SBF2: variants seen among roughly 807,000 people sequenced by gnomAD.
SBF2 encodes the protein SET binding factor 2, also known as myotubularin-related protein 13.
In SBF2, 112 loss-of-function variants were observed where a neutral mutation model predicts 225.2. The observed-to-expected ratio is 0.50, with a 90% confidence interval of 0.43 to 0.58. The LOEUF (loss-of-function observed/expected upper bound fraction) is 0.58, where lower values mean the gene tolerates loss of function less well. SBF2 is among the 20% of genes least tolerant of loss of function. SBF2 has a pLI of 0.00. For missense variants in SBF2, 1,996 were observed against 2,206.2 expected (o/e 0.90, Z 1.91); for synonymous variants, 763 against 773.3 (o/e 0.99, Z 0.22).
At position 10,185,814 on chromosome 11, in the gene SBF2, T is replaced by C. The variant is rs896784586; in HGVS notation, c.141+8088A>G. On this transcript the variant is annotated intron_variant, in intron 2 of 39. Transcript: ENST00000256190. ...GTACCGCTAATTCAACGAGTCCCCATACTAATGGTCATTTAGATAGTTTCC... is the reference window on the plus strand; with the variant it reads ...GTACCGCTAATTCAACGAGTCCCCACACTAATGGTCATTTAGATAGTTTCC... 2.0e-5 allele frequency among the ~76,000 whole-genome samples: 3 copies of C among 152,116 alleles called. 1 individual carries two copies. Among genetic ancestry groups the C allele is most frequent in the Non-Finnish European group, 2.9e-5 (2 of 68,022 alleles).
In SBF2 at chr11:9,780,330, G is replaced by T; in HGVS notation, c.*88C>A. 8.5e-7 allele frequency: 1 copy of T among 1,173,416 alleles called. No homozygotes were observed. The highest frequency in any genetic ancestry group is 1.2e-6 in the Non-Finnish European group (1 of 802,092). The allele number at this position is 1,173,416 out of a possible 1,614,324, so 72.7% of individuals were successfully genotyped here. ...ACCTCAGGCCCTGGGATAACTTGTT[G>T]TCAGCTCCTCAAGGATCCATGCTTC... On this transcript the variant is annotated 3_prime_UTR_variant, in exon 40 of 40. Transcript: ENST00000256190.
At chr11:10,203,254 C>T (rs1180946639) in intron 1 of SBF2, among the ~76,000 whole-genome samples, 1 of 152,080 alleles carries the variant, frequency 6.6e-6, no homozygotes, top group Non-Finnish European at 1.5e-5. Flanking sequence ...ACGAAAGGAA[C>T]AGAAAGGACA....
intron 2 of SBF2, among the ~76,000 whole-genome samples, chr11:10,189,519 CTA>C (rs1333907745): frequency 1.3e-5 from 2 of 152,168 alleles, no homozygotes; most frequent in African/African-American, 4.8e-5. Context: ...GCTACTTTTC[CTA>C]TGTTACACCT....
At chr11:9,784,506 A>T in intron 37 of SBF2, 68 bp from the exon 38 acceptor site, 3 of 1,226,004 alleles carry the variant, frequency 2.4e-6, no homozygotes, top group Middle Eastern at 1.9e-4. Context: ...AGGGGAGGGG[A>T]TATCTGTTGT....
rs151315808 is a variant in SBF2, at chr11:10,187,062, A to G, written c.141+6840T>C. ...AGGGTTTATTTACCAATCTCCTATT[A>G]CAGCTAACTGGCTTTGTGATTGACT... On this transcript the variant is annotated intron_variant, in intron 2 of 39. Transcript: ENST00000256190. Among the ~76,000 whole-genome samples the G allele has an allele frequency of 2.3e-3, 349 of 152,298 alleles. 5 individuals carry two copies. The highest frequency in any genetic ancestry group is 9.6e-4 in the Non-Finnish European group (65 of 68,024).
At chr11:10,101,041 C>G (rs759383499) in intron 2 of SBF2, among the ~76,000 whole-genome samples, 1 of 152,122 alleles carries the variant, frequency 6.6e-6, no homozygotes, top group Admixed American at 6.5e-5. Context: ...TTCTGCCTAT[C>G]GTGTCTTTGT....
At chr11:10,234,906 T>C (rs1959003581) in intron 1 of SBF2, among the ~76,000 whole-genome samples, 1 of 152,142 alleles carries the variant, frequency 6.6e-6, no homozygotes, top group African/African-American at 2.4e-5. Flanking sequence ...TGGTACAGTA[T>C]CTCTTATATG....
At chr11:10,100,147 GA>G (rs1952216491) in intron 2 of SBF2, among the ~76,000 whole-genome samples, 1 of 152,206 alleles carries the variant, frequency 6.6e-6, no homozygotes, top group Non-Finnish European at 1.5e-5. Flanking sequence ...AAAGGGGATG[GA>G]AAAAGGCATT....
At chr11:10,129,111 T>C (rs1953902190) in intron 2 of SBF2, among the ~76,000 whole-genome samples, 1 of 144,730 alleles carries the variant, frequency 6.9e-6, no homozygotes, top group Admixed American at 6.9e-5. Flanking sequence ...TTTTTTTTTT[T>C]TTTTTTTTTT....
chr11:10,065,492 A>T (rs1398522025), intron 2 of SBF2, among the ~76,000 whole-genome samples: 2 of 152,192 alleles, frequency 1.3e-5, no homozygotes, highest in Non-Finnish European at 2.9e-5. Flanking sequence ...GATAAAAAAA[A>T]CTTTAGCCAC....
chr11:9,922,201 G>A (rs1159848158), intron 16 of SBF2, among the ~76,000 whole-genome samples: 9 of 152,012 alleles, frequency 5.9e-5, no homozygotes, highest in Non-Finnish European at 1.0e-4. Flanking sequence ...AGTGAGCCAC[G>A]ATCATGACAC....
chr11:10,157,688 T>C (rs192960246), intron 2 of SBF2, among the ~76,000 whole-genome samples: 1 of 152,294 alleles, frequency 6.6e-6, no homozygotes, highest in Non-Finnish European at 1.5e-5. Context: ...TATTACAATG[T>C]AATAATAATA....
chr11:10,066,950 A>G (rs890659545), intron 2 of SBF2, among the ~76,000 whole-genome samples: 4 of 152,216 alleles, frequency 2.6e-5, no homozygotes, highest in African/African-American at 9.6e-5. Context: ...CAAACCAGAA[A>G]TTTAAATTAA....
At chr11:9,790,715 T>C (rs1852686034) in intron 33 of SBF2, 32 bp from the exon 34 acceptor site, 1 of 1,520,594 alleles carries the variant, frequency 6.6e-7, no homozygotes, top group Non-Finnish European at 9.1e-7. Flanking sequence ...CAAAACAAAA[T>C]TAAATAAATT....
rs183113797 is a variant in SBF2, at chr11:9,845,404, C to A, written c.3110+161G>T. Among the ~76,000 whole-genome samples the A allele has an allele frequency of 3.3e-5, 5 of 152,294 alleles. No homozygotes were observed. In the East Asian group the frequency reaches 7.7e-4, roughly 24 times the overall value. ...TTGAAACTTGCTACATTTATCAATG[C>A]TGCTGTTCCGTAACTTTATGATCTT... On this transcript the variant is annotated intron_variant, in intron 24 of 39. Coordinates refer to ENST00000256190, the MANE Select transcript of SBF2 (RefSeq NM_030962.4).
At chr11:9,816,331 A>G (rs1854456060) in intron 29 of SBF2, among the ~76,000 whole-genome samples, 1 of 152,154 alleles carries the variant, frequency 6.6e-6, no homozygotes, top group Non-Finnish European at 1.5e-5. Flanking sequence ...CTCTTTCTAT[A>G]TAGCTTTGCG....
intron 2 of SBF2, among the ~76,000 whole-genome samples, chr11:10,104,544 C>T (rs1952467907): frequency 8.1e-6 from 1 of 123,536 alleles, no homozygotes; most frequent in South Asian, 2.4e-4. Context: ...CTGCCTATCA[C>T]GGGGCTGGGT....
At chr11:9,974,661 A>C (rs1370890570) in intron 13 of SBF2, among the ~76,000 whole-genome samples, 2 of 151,246 alleles carry the variant, frequency 1.3e-5, no homozygotes, top group Non-Finnish European at 2.9e-5. Flanking sequence ...CGCCCAAAAA[A>C]AAAAAAAAAA....
At chr11:10,164,217 T>C (rs1296483523) in intron 2 of SBF2, among the ~76,000 whole-genome samples, 1 of 152,170 alleles carries the variant, frequency 6.6e-6, no homozygotes, top group African/African-American at 2.4e-5. Flanking sequence ...CATGCCAGCC[T>C]TATTAATAAA....
Sources: allele counts gnomAD v4.1 joint callset (sites outside exome capture counted in the v4.1 genomes callset), GRCh38; gene constraint gnomAD v4.1.1; transcripts MANE v1.5; gene names NCBI Gene and HGNC (gene_info 2026-07-23, HGNC 2026-07-21).